Variants in SPMIP2 observed in about 807,000 individuals in gnomAD.
The protein encoded by SPMIP2 is sperm microtubule inner protein 2.
the SPMIP2 span, among the ~76,000 whole-genome samples, chr4:158,936,566 G>A: frequency 9.9e-5 from 15 of 152,178 alleles, no homozygotes; most frequent in Non-Finnish European, 1.6e-4. Flanking sequence ...AGCCATTGAT[G>A]GCACATGGAA....
chr4:159,005,155 C>CAGAGGCGG, the SPMIP2 span, among the ~76,000 whole-genome samples: 410 of 143,428 alleles, frequency 2.9e-3, 3 homozygotes, highest in Non-Finnish European at 5.3e-3. Flanking sequence ...CCCTTGAACC[C>CAGAGGCGG]AGGTTGCAGT....
chr4:159,005,742 T>C, the SPMIP2 span, among the ~76,000 whole-genome samples: 5 of 152,206 alleles, frequency 3.3e-5, no homozygotes, highest in African/African-American at 4.8e-5. Context: ...TTAAACAAAG[T>C]ATATTATTAA....
the SPMIP2 span, among the ~76,000 whole-genome samples, chr4:158,920,467 T>G: frequency 6.6e-6 from 1 of 152,118 alleles, no homozygotes; most frequent in Non-Finnish European, 1.5e-5. Flanking sequence ...ATATTAATAT[T>G]AATACTGTGG....
chr4:159,048,731 CTTTTTTTTT>C, the SPMIP2 span, among the ~76,000 whole-genome samples: 1 of 111,470 alleles, frequency 9.0e-6, no homozygotes, highest in Non-Finnish European at 1.8e-5. Flanking sequence ...TCCCCTTCCA[CTTTTTTTTT>C]TTTTTTTTTT....
chr4:158,950,762 G>A, the SPMIP2 span, among the ~76,000 whole-genome samples: 2 of 152,140 alleles, frequency 1.3e-5, no homozygotes, highest in African/African-American at 2.4e-5. Flanking sequence ...CGGTCGTGGT[G>A]GCAGGTGTCT....
the SPMIP2 span, among the ~76,000 whole-genome samples, chr4:158,943,965 T>C: frequency 6.7e-6 from 1 of 150,268 alleles, no homozygotes; most frequent in Non-Finnish European, 1.5e-5. Context: ...AAGTGATTGT[T>C]CTGCCTCAGC....
At chr4:158,938,409 G>A in the SPMIP2 span, among the ~76,000 whole-genome samples, 5,021 of 152,276 alleles carry the variant, frequency 0.033, 280 homozygotes, top group African/African-American at 0.11. Context: ...TCGAACCTCA[G>A]GTTGTGACTG....
At chr4:158,896,316 G>GT in the SPMIP2 span, among the ~76,000 whole-genome samples, 1 of 152,192 alleles carries the variant, frequency 6.6e-6, no homozygotes, top group Non-Finnish European at 1.5e-5. Flanking sequence ...CTGCGTGTCT[G>GT]TGGGGGGACA....
At chr4:159,001,209 A>T in the SPMIP2 span, among the ~76,000 whole-genome samples, 1 of 152,198 alleles carries the variant, frequency 6.6e-6, no homozygotes, top group African/African-American at 2.4e-5. Context: ...GTGATACCTC[A>T]TTGCAGTTTT....
the SPMIP2 span, among the ~76,000 whole-genome samples, chr4:159,033,221 C>T: frequency 1.3e-5 from 2 of 151,782 alleles, no homozygotes; most frequent in Non-Finnish European, 2.9e-5. Flanking sequence ...TGTATAACTC[C>T]AGCTCTGTGA....
the SPMIP2 span, among the ~76,000 whole-genome samples, chr4:158,910,944 T>A: frequency 6.6e-6 from 1 of 152,208 alleles, no homozygotes; most frequent in Non-Finnish European, 1.5e-5. Flanking sequence ...TACAGATACT[T>A]AGGAGATCAG....
the SPMIP2 span, among the ~76,000 whole-genome samples, chr4:159,051,250 A>G: frequency 6.6e-6 from 1 of 152,236 alleles, no homozygotes; most frequent in African/African-American, 2.4e-5. Flanking sequence ...TGTTCAGATG[A>G]ATGCAAAGTG....
chr4:159,038,883 G>C, the SPMIP2 span: 3 of 152,604 alleles, frequency 2.0e-5, no homozygotes, highest in Non-Finnish European at 2.9e-5. Flanking sequence ...CTCATTGCTA[G>C]AGAGTCATCA....
the SPMIP2 span, among the ~76,000 whole-genome samples, chr4:158,967,831 G>C: frequency 6.6e-6 from 1 of 152,198 alleles, no homozygotes; most frequent in Admixed American, 6.5e-5. Flanking sequence ...TGTTGTATAG[G>C]AGTTTAGAAG....
chr4:159,080,868 C>T, the SPMIP2 span, among the ~76,000 whole-genome samples: 4 of 150,990 alleles, frequency 2.6e-5, no homozygotes, highest in Admixed American at 6.6e-5. Flanking sequence ...GGACTACAGG[C>T]GCCCACCACC....
chr4:159,067,961 A>C, the SPMIP2 span, among the ~76,000 whole-genome samples: 2 of 152,226 alleles, frequency 1.3e-5, no homozygotes. Context: ...CCACAATGAG[A>C]TATCATCTCA....
chr4:158,974,992 C>T, the SPMIP2 span, among the ~76,000 whole-genome samples: 5 of 152,114 alleles, frequency 3.3e-5, no homozygotes, highest in Admixed American at 2.0e-4. Context: ...TTTTAATAAT[C>T]GCCATTCTAA....
chr4:158,973,157 G>T, the SPMIP2 span: 1 of 1,612,668 alleles, frequency 6.2e-7, no homozygotes, highest in South Asian at 1.1e-5. Flanking sequence ...TTTCACTGAC[G>T]TACTCATGTT....
chr4:159,014,249 T>C, the SPMIP2 span, among the ~76,000 whole-genome samples: 3 of 152,152 alleles, frequency 2.0e-5, no homozygotes, highest in Non-Finnish European at 4.4e-5. Context: ...GGTCAGGAAA[T>C]GGAGACCAGC....
Sources: gnomAD v4.1 joint callset for allele counts (sites outside exome capture counted in the v4.1 genomes callset) on GRCh38, gnomAD v4.1.1 for gene constraint, MANE v1.5 for transcripts, NCBI Gene and HGNC (gene_info 2026-07-23, HGNC 2026-07-21) for gene names.